SH3KBP1: variants seen among roughly 807,000 people sequenced by gnomAD.
SH3KBP1 encodes SH3 domain-containing kinase-binding protein 1.
In SH3KBP1, 8 loss-of-function variants were observed where a neutral mutation model predicts 50.1. That is an observed-to-expected ratio of 0.16 (90% CI 0.09 to 0.29). The LOEUF is 0.29. Among genes scored for constraint, SH3KBP1 ranks in the 10% least tolerant of loss-of-function variants. SH3KBP1 has a pLI of 1.00. For synonymous variants in SH3KBP1, 227 were observed against 218.6 expected, an observed-to-expected ratio of 1.04 and a Z score of -0.34; for missense variants, 377 against 535.2, an observed-to-expected ratio of 0.70 and a Z score of 2.92.
chrX:19,695,838 G>T, intron 4 of SH3KBP1, 97 bp from the exon 5 acceptor site: 1 of 805,619 alleles, frequency 1.2e-6, no homozygotes, highest in Non-Finnish European at 1.8e-6. Flanking sequence ...AGCATGCAGA[G>T]CCCACACAGG....
rs753665657 is a variant in SH3KBP1, at chrX:19,720,098, G to A, written c.287-13114C>T. 9.1e-5 allele frequency among the ~76,000 whole-genome samples: 10 copies of A among 110,357 alleles called. No individual in the cohort carries two copies. In the South Asian group the frequency reaches 3.5e-3, roughly 38 times the overall value. On this transcript the variant is annotated intron_variant, in intron 3 of 17. Transcript: ENST00000397821. ...CTTTACATTCAGGAATCTGTTAAAA[G>A]ACAGCTCTGTTAATGTTTTTTTCAC...
At chrX:19,681,764 G>A (rs1288673135) in intron 6 of SH3KBP1, among the ~76,000 whole-genome samples, 1 of 111,573 alleles carries the variant, frequency 9.0e-6, no homozygotes, top group Non-Finnish European at 1.9e-5. Context: ...GGAGAGCAGT[G>A]GGGGAGGAAG....
chrX:19,739,643 A>T (rs2064709130), intron 3 of SH3KBP1, among the ~76,000 whole-genome samples: 1 of 109,633 alleles, frequency 9.1e-6, no homozygotes, highest in African/African-American at 3.3e-5. Context: ...GGATCAGGAC[A>T]CAGATTATAT....
chrX:19,661,864 TG>T (rs2062466797), intron 6 of SH3KBP1, among the ~76,000 whole-genome samples: 1 of 111,163 alleles, frequency 9.0e-6, no homozygotes, highest in Non-Finnish European at 1.9e-5. Context: ...TGACCTCAGG[TG>T]ATCGACCTGC....
chrX:19,815,375 T>C (rs752562099), intron 2 of SH3KBP1, among the ~76,000 whole-genome samples: 1 of 111,191 alleles, frequency 9.0e-6, no homozygotes, highest in Non-Finnish European at 1.9e-5. Flanking sequence ...TGGAGTCCCA[T>C]AAACCCTTCA....
At chrX:19,831,731 C>T (rs749307793) in intron 2 of SH3KBP1, among the ~76,000 whole-genome samples, 14 of 86,388 alleles carry the variant, frequency 1.6e-4, no homozygotes, top group East Asian at 8.7e-4. Flanking sequence ...GTGGAGGTTG[C>T]GGTGAGCCGA....
chrX:19,815,211 T>C (rs754764992), intron 2 of SH3KBP1, among the ~76,000 whole-genome samples: 5 of 111,604 alleles, frequency 4.5e-5, no homozygotes, highest in Admixed American at 9.5e-5. Context: ...CAATCAGAGA[T>C]AAAGATGAGA....
rs374821092 is a variant in SH3KBP1, at chrX:19,804,171, TA to T, written c.162+31953del. On this transcript the variant is annotated intron_variant, in intron 2 of 17. Coordinates refer to ENST00000397821, the MANE Select transcript of SH3KBP1 (RefSeq NM_031892.3). The stretch of plus-strand genomic sequence containing the variant: ...TGGGCGACAGAGTGAGAATCCATAT[TA>T]AAAAAAAAGGAAAAAGAAATGAAAC... 2.8e-5 allele frequency among the ~76,000 whole-genome samples: 3 copies of T among 108,542 alleles called. No individual in the cohort carries two copies. The Admixed American group carries it at 2.9e-4, about 11-fold the overall frequency. 94.3% of individuals were successfully genotyped at this position (108,542 alleles called of 115,157 possible). A position where few individuals can be genotyped will look rare whatever the true frequency, so the allele number is the denominator to read the frequency against.
Position 19,670,397 on chromosome X carries a change from A to T in SH3KBP1, c.726+13426T>A, listed in dbSNP as rs764662612. ...CACAGCTGGCTTGCTCTGCATGGAC[A>T]TACCCTTCTCTCTAAGCTAACCTGA... On this transcript the variant is annotated intron_variant, in intron 6 of 17. Transcript: ENST00000397821. 8 of 748,913 alleles carry T rather than the reference A, an allele frequency of 1.1e-5. No homozygotes were observed. The African/African-American group carries it at 1.6e-4, about 15-fold the overall frequency. 61.7% of individuals were successfully genotyped at this position (748,913 alleles called of 1,213,427 possible). A position where few individuals can be genotyped will look rare whatever the true frequency, so the allele number is the denominator to read the frequency against.
At chrX:19,736,567 T>C (rs2064583238) in intron 3 of SH3KBP1, among the ~76,000 whole-genome samples, 1 of 112,415 alleles carries the variant, frequency 8.9e-6, no homozygotes, top group African/African-American at 3.2e-5. Flanking sequence ...CTGGCTGGTC[T>C]CTCTTTCCCT....
At chrX:19,645,534 A>G in intron 6 of SH3KBP1, 59 bp from the exon 7 acceptor site, 2 of 896,627 alleles carry the variant, frequency 2.2e-6, no homozygotes, top group South Asian at 4.2e-5. Context: ...TAAGCAAAGG[A>G]ATAAGATCCA....
intron 8 of SH3KBP1, 57 bp from the exon 9 acceptor site, chrX:19,608,102 G>T: frequency 1.0e-5 from 10 of 984,455 alleles, no homozygotes; most frequent in Non-Finnish European, 1.4e-5. Context: ...CCAGAGGGGT[G>T]TAACCCCCCT....
In SH3KBP1 at chrX:19,623,042, CAAAAAAAAAAAAA is replaced by C. The variant is rs773914815; in HGVS notation, c.897+8809_897+8821del. ...TGGGCAAAAGAGTGACACTCTGACT[CAAAAAAAAAAAAA>C]AAAAAAAAAAAAGAGGATTTTGGTA... On this transcript the variant is annotated intron_variant, in intron 8 of 17. Transcript: ENST00000397821. 4.9e-4 allele frequency among the ~76,000 whole-genome samples: 11 copies of C among 22,249 alleles called. No homozygotes were observed. In the Admixed American group the frequency reaches 5.8e-3, roughly 12 times the overall value. The allele number at this position is 22,249 out of a possible 115,157, so 19.3% of individuals were successfully genotyped here.
intron 3 of SH3KBP1, among the ~76,000 whole-genome samples, chrX:19,737,589 G>A (rs1464045623): frequency 9.0e-6 from 1 of 111,415 alleles, no homozygotes; most frequent in African/African-American, 3.3e-5. Flanking sequence ...AAAGCAAGTA[G>A]AGAAGGCAAT....
intron 7 of SH3KBP1, among the ~76,000 whole-genome samples, chrX:19,641,766 T>A (rs1453917516): frequency 8.9e-6 from 1 of 112,158 alleles, no homozygotes; most frequent in African/African-American, 3.2e-5. Context: ...GTGTTTAAGG[T>A]CTCATTGTGA....
At chrX:19,886,143 A>G (rs1464759255) in intron 1 of SH3KBP1, among the ~76,000 whole-genome samples, 1 of 112,304 alleles carries the variant, frequency 8.9e-6, no homozygotes, top group Non-Finnish European at 1.9e-5. Flanking sequence ...CACTACTTAG[A>G]AAAGGAAAAC....
Position 19,645,457 on chromosome X carries a change from G to T in SH3KBP1, c.745C>A (p.Pro249Thr). 9 of 1,200,389 alleles carry T rather than the reference G, an allele frequency of 7.5e-6. No individual in the cohort carries two copies. Among genetic ancestry groups the T allele is most frequent in the Non-Finnish European group, 1.0e-5 (9 of 885,401 alleles). Residue 249 changes from proline (P) to threonine (T), a missense_variant, in exon 7 of 18, where the codon CCT becomes ACT. By Grantham distance (38) the Pro-to-Thr change is conservative. Around this residue, in one of 3 missense-constraint regions of SH3KBP1, gnomAD observed 257 missense variants for 374.2 expected, o/e 0.69. Coordinates refer to ENST00000397821, the MANE Select transcript of SH3KBP1 (RefSeq NM_031892.3). ...PVEKTIGKKL[P>T]ATTATPDSSK... Reference sequence around the variant, plus strand: ...GAGTCTGGAGTTGCTGTAGTTGCAGGTAACTTCTTCCCAATAGTCTGAGGG... The same window carrying T: ...GAGTCTGGAGTTGCTGTAGTTGCAGTTAACTTCTTCCCAATAGTCTGAGGG...
At chrX:19,583,125 C>CATTATTATTATT (rs200762944) in intron 12 of SH3KBP1, among the ~76,000 whole-genome samples, 203 of 95,143 alleles carry the variant, frequency 2.1e-3, no homozygotes, top group Middle Eastern at 0.016. Flanking sequence ...TGCTAATACA[C>CATTATTATTATT]ATTATTATTA....
At chrX:19,705,874 T>G (rs937818640) in intron 4 of SH3KBP1, among the ~76,000 whole-genome samples, 10 of 112,206 alleles carry the variant, frequency 8.9e-5, no homozygotes, top group African/African-American at 3.2e-4. Context: ...ACTATGTAGT[T>G]TTGCATGTAA....
Sources: gnomAD v4.1 joint callset for allele counts (sites outside exome capture counted in the v4.1 genomes callset) on GRCh38, gnomAD v4.1.1 for gene constraint, gnomAD v4.1.1 regional missense constraint, MANE v1.5 for transcripts, NCBI Gene and HGNC (gene_info 2026-07-23, HGNC 2026-07-21) for gene names.